CSMD3: variants seen among roughly 807,000 people sequenced by gnomAD.
CSMD3 encodes CUB and Sushi multiple domains 3.
A neutral mutation model predicts 435.2 loss-of-function variants in CSMD3; 177 were observed. The ratio of observed to expected loss-of-function variants is 0.41; its 90% CI spans 0.36 to 0.46. The LOEUF (loss-of-function observed/expected upper bound fraction) is 0.46. Ranked by LOEUF, CSMD3 falls within the 20% of genes least tolerant of loss-of-function variation. CSMD3 has a pLI of 0.34. For missense variants in CSMD3, 4,265 were observed against 4,504.6 expected, an observed-to-expected ratio of 0.95 and a Z score of 1.52; for synonymous variants, 1,656 against 1,520.5, an observed-to-expected ratio of 1.09 and a Z score of -2.07.
chr8:113,367,777 A>G (rs2094321914), intron 1 of CSMD3, among the ~76,000 whole-genome samples: 1 of 152,130 alleles, frequency 6.6e-6, no homozygotes, highest in Non-Finnish European at 1.5e-5. Flanking sequence ...GTATTTTTTC[A>G]TAATTCAAGC....
intron 10 of CSMD3, among the ~76,000 whole-genome samples, chr8:112,877,488 G>A (rs913057854): frequency 2.6e-5 from 4 of 152,030 alleles, no homozygotes; most frequent in African/African-American, 9.6e-5. Flanking sequence ...AGCTGGTCTC[G>A]AACTCCTGAC....
chr8:112,515,903 T>C (rs1321918894), intron 28 of CSMD3, among the ~76,000 whole-genome samples: 1 of 152,090 alleles, frequency 6.6e-6, no homozygotes, highest in Non-Finnish European at 1.5e-5. Context: ...ACAGAGTACT[T>C]TTCTGTCTTG....
intron 32 of CSMD3, among the ~76,000 whole-genome samples, chr8:112,451,234 T>C (rs1322932603): frequency 1.3e-5 from 2 of 152,166 alleles, no homozygotes; most frequent in Non-Finnish European, 2.9e-5. Context: ...AGTAGTTATC[T>C]CTGGATAGTG....
At chr8:112,448,568 GA>G (rs1305858316) in intron 32 of CSMD3, among the ~76,000 whole-genome samples, 3 of 152,246 alleles carry the variant, frequency 2.0e-5, no homozygotes, top group Middle Eastern at 3.4e-3. Flanking sequence ...GAAGAGACAA[GA>G]AACAGATTCT....
intron 32 of CSMD3, among the ~76,000 whole-genome samples, chr8:112,423,834 C>T (rs920666451): frequency 6.6e-6 from 1 of 152,110 alleles, no homozygotes; most frequent in Non-Finnish European, 1.5e-5. Flanking sequence ...TGAGCCTCTA[C>T]CTCTTGTCCC....
At chr8:113,045,347 T>C (rs60747060) in intron 5 of CSMD3, among the ~76,000 whole-genome samples, 1 of 149,280 alleles carries the variant, frequency 6.7e-6, no homozygotes, top group African/African-American at 2.4e-5. Context: ...AAGAATTTTA[T>C]TCGTTTCAAC....
At chr8:112,231,847 A>G (rs1282923333) in intron 68 of CSMD3, among the ~76,000 whole-genome samples, 1 of 152,222 alleles carries the variant, frequency 6.6e-6, no homozygotes, top group Non-Finnish European at 1.5e-5. Flanking sequence ...TGATATACAA[A>G]ACAGAGATTG....
rs919036421 is a variant in CSMD3, at chr8:113,396,902, T to C, written c.178+39775A>G. ...TCTGCAACCTAAAATACAAGCTATATAACAGGGATTTTGTCTTCTTCACTA... is the reference window on the plus strand; with the variant it reads ...TCTGCAACCTAAAATACAAGCTATACAACAGGGATTTTGTCTTCTTCACTA... On this transcript the variant is annotated intron_variant, in intron 1 of 70. Coordinates refer to ENST00000297405, the MANE Select transcript of CSMD3 (RefSeq NM_198123.2). Among the ~76,000 whole-genome samples the C allele has an allele frequency of 5.3e-5, 8 of 152,306 alleles. No homozygotes were observed. In the East Asian group the frequency reaches 1.3e-3, roughly 26 times the overall value.
At chr8:113,088,515 G>T (rs1588049637) in intron 5 of CSMD3, among the ~76,000 whole-genome samples, 1 of 151,132 alleles carries the variant, frequency 6.6e-6, no homozygotes, top group South Asian at 2.1e-4. Context: ...ATACACCATG[G>T]AATACTATGC....
intron 6 of CSMD3, among the ~76,000 whole-genome samples, chr8:112,980,516 A>G (rs867841106): frequency 9.9e-5 from 15 of 151,666 alleles, no homozygotes; most frequent in African/African-American, 3.6e-4. Flanking sequence ...TAAAATAAAA[A>G]TTATATATAC....
chr8:112,664,698 A>C (rs2075475969), intron 17 of CSMD3, among the ~76,000 whole-genome samples: 1 of 152,148 alleles, frequency 6.6e-6, no homozygotes, highest in East Asian at 1.9e-4. Flanking sequence ...AAGTGAGATC[A>C]TATAGATGGG....
Position 112,701,987 on chromosome 8 carries a change from A to G in CSMD3, c.1973-11937T>C, listed in dbSNP as rs1248941432. Among the ~76,000 whole-genome samples the G allele has an allele frequency of 2.0e-5, 3 of 152,206 alleles. No homozygotes were observed. In the East Asian group the frequency reaches 5.8e-4, roughly 29 times the overall value. ...TAATTGCTATTTTCTTTGGGCTTCT[A>G]TAGGCCTTGGACATACCTATATTGG... On this transcript the variant is annotated intron_variant, in intron 13 of 70. Transcript: ENST00000297405.
chr8:113,330,837 C>G (rs569205643), intron 1 of CSMD3, among the ~76,000 whole-genome samples: 1 of 151,744 alleles, frequency 6.6e-6, no homozygotes, highest in South Asian at 2.1e-4. Flanking sequence ...TAGTTGGAGT[C>G]TTTAATTCTC....
intron 13 of CSMD3, among the ~76,000 whole-genome samples, chr8:112,709,723 T>C (rs574417199): frequency 6.6e-6 from 1 of 152,036 alleles, no homozygotes; most frequent in Non-Finnish European, 1.5e-5. Context: ...AAAGTAAATA[T>C]AAACAAAGAA....
chr8:112,466,135 G>A (rs1475899446), intron 32 of CSMD3, among the ~76,000 whole-genome samples: 1 of 152,082 alleles, frequency 6.6e-6, no homozygotes, highest in Non-Finnish European at 1.5e-5. Flanking sequence ...TGGTTTTAAT[G>A]CAATTGTACT....
At chr8:113,152,331 G>A (rs563539907) in intron 4 of CSMD3, among the ~76,000 whole-genome samples, 39 of 152,074 alleles carry the variant, frequency 2.6e-4, no homozygotes, top group South Asian at 4.1e-4. Context: ...TCTATTTCAC[G>A]AAGATACGTA....
intron 3 of CSMD3, among the ~76,000 whole-genome samples, chr8:113,263,389 C>A (rs2093442699): frequency 6.6e-6 from 1 of 151,914 alleles, no homozygotes; most frequent in Non-Finnish European, 1.5e-5. Flanking sequence ...CTGAATAATT[C>A]TAAAGTCCCA....
intron 28 of CSMD3, among the ~76,000 whole-genome samples, chr8:112,515,447 A>C (rs1823572530): frequency 6.6e-6 from 1 of 152,144 alleles, no homozygotes; most frequent in Admixed American, 6.6e-5. Context: ...CAAACTTGAA[A>C]ATTTTGAAAC....
At chr8:112,369,969 A>G (rs1828174049) in intron 38 of CSMD3, among the ~76,000 whole-genome samples, 1 of 147,976 alleles carries the variant, frequency 6.8e-6, no homozygotes, top group African/African-American at 2.5e-5. Context: ...AGGAGGAAGA[A>G]GAAGAAGAAG....
Sources: allele counts gnomAD v4.1 joint callset (sites outside exome capture counted in the v4.1 genomes callset), GRCh38; gene constraint gnomAD v4.1.1; transcripts MANE v1.5; gene names NCBI Gene and HGNC (gene_info 2026-07-23, HGNC 2026-07-21).